The following JAZF1 variants were observed in gnomAD, a reference collection of about 807,000 sequenced individuals.
JAZF1 encodes the protein juxtaposed with another zinc finger protein 1.
JAZF1 carries 8 observed loss-of-function variants against 26.4 expected under a neutral mutation model. That is an observed-to-expected ratio of 0.30 (90% CI 0.18 to 0.55). The LOEUF is 0.55. JAZF1 is among the 20% of genes least tolerant of loss of function. The pLI, the probability that JAZF1 is intolerant of heterozygous loss-of-function variation, is 0.94. For synonymous variants in JAZF1, 126 were observed against 122.3 expected, an observed-to-expected ratio of 1.03 and a Z score of -0.20; for missense variants, 199 against 322.0, an observed-to-expected ratio of 0.62 and a Z score of 2.92.
intron 2 of JAZF1, among the ~76,000 whole-genome samples, chr7:27,922,564 A>G (rs971217582): frequency 1.3e-5 from 2 of 152,194 alleles, no homozygotes; most frequent in South Asian, 2.1e-4. Flanking sequence ...AAATATTCTT[A>G]AAGTCAGCAA....
chr7:28,079,981 C>T (rs138015133), intron 1 of JAZF1, among the ~76,000 whole-genome samples: 2 of 151,902 alleles, frequency 1.3e-5, no homozygotes, highest in African/African-American at 2.4e-5. Flanking sequence ...GTTATATTTA[C>T]ACTATACTGT....
chr7:28,122,393 T>TTTTCCAGAACCCAGC (rs1782619381), intron 1 of JAZF1, among the ~76,000 whole-genome samples: 1 of 152,136 alleles, frequency 6.6e-6, no homozygotes, highest in African/African-American at 2.4e-5. Flanking sequence ...CTGAACCTTG[T>TTTTCCAGAACCCAGC]TTTCCAGAAC....
intron 2 of JAZF1, among the ~76,000 whole-genome samples, chr7:27,976,492 G>T (rs1785475173): frequency 6.6e-6 from 1 of 152,106 alleles, no homozygotes; most frequent in South Asian, 2.1e-4. Context: ...TATAGGCTAA[G>T]AAAACGGTAG....
chr7:28,179,866 C>G (rs947475825), intron 1 of JAZF1, among the ~76,000 whole-genome samples: 2 of 146,798 alleles, frequency 1.4e-5, no homozygotes, highest in Non-Finnish European at 3.0e-5. Context: ...GTGGCGGCGG[C>G]GGCGGCGGGA....
At chr7:28,026,659 C>T (rs1783099779) in intron 1 of JAZF1, among the ~76,000 whole-genome samples, 1 of 152,190 alleles carries the variant, frequency 6.6e-6, no homozygotes, top group African/African-American at 2.4e-5. Context: ...AGGTACCATG[C>T]AAAGGCTATA....
chr7:27,974,132 A>G (rs1447640592), intron 2 of JAZF1, among the ~76,000 whole-genome samples: 1 of 152,152 alleles, frequency 6.6e-6, no homozygotes, highest in East Asian at 1.9e-4. Context: ...AGGATATAAA[A>G]TAACGGGCCT....
rs557221657 is a variant in JAZF1 at position 28,043,426 on chromosome 7, C to T, written c.116-51445G>A. Among the ~76,000 whole-genome samples the T allele has an allele frequency of 7.4e-4, 113 of 152,284 alleles. No individual in the cohort carries two copies. The Middle Eastern group carries it at 0.014, about 18-fold the overall frequency. On this transcript the variant is annotated intron_variant, in intron 1 of 4. Coordinates refer to ENST00000283928, the MANE Select transcript of JAZF1 (RefSeq NM_175061.4). ...AGCTCGTCATGTTCCACCCACCTTA[C>T]GGCCCCAACATTTTCTTGGGGGCTA...
chr7:27,879,619 ACCATTT>A (rs1336296635), intron 3 of JAZF1, among the ~76,000 whole-genome samples: 1 of 152,170 alleles, frequency 6.6e-6, no homozygotes, highest in Non-Finnish European at 1.5e-5. Flanking sequence ...TTAGAAAGTA[ACCATTT>A]AAAAGGGTGG....
At chr7:28,097,460 C>T (rs1387001105) in intron 1 of JAZF1, among the ~76,000 whole-genome samples, 3 of 152,216 alleles carry the variant, frequency 2.0e-5, no homozygotes, top group Non-Finnish European at 4.4e-5. Flanking sequence ...TTTTACTAAG[C>T]CCTGTATAAA....
chr7:28,110,953 C>T (rs1460193740), intron 1 of JAZF1, among the ~76,000 whole-genome samples: 1 of 151,908 alleles, frequency 6.6e-6, no homozygotes, highest in African/African-American at 2.4e-5. Context: ...ACTGGTAATA[C>T]ATTTAAAATT....
chr7:28,010,230 G>T (rs1782776284), intron 1 of JAZF1, among the ~76,000 whole-genome samples: 1 of 152,148 alleles, frequency 6.6e-6, no homozygotes, highest in African/African-American at 2.4e-5. Context: ...GAAAGGAGAG[G>T]GTGGTCCAGT....
intron 4 of JAZF1, among the ~76,000 whole-genome samples, chr7:27,835,102 G>C (rs1483849997): frequency 6.6e-6 from 1 of 152,092 alleles, no homozygotes; most frequent in East Asian, 1.9e-4. Context: ...TGTTTTCATG[G>C]GGAACTTGAT....
chr7:28,030,144 C>T (rs568365470), intron 1 of JAZF1, among the ~76,000 whole-genome samples: 17 of 152,194 alleles, frequency 1.1e-4, no homozygotes, highest in South Asian at 6.2e-4. Context: ...TAGGGGCTGG[C>T]GCAGGATGGA....
At chr7:28,154,686 CAATT>C (rs560664974) in intron 1 of JAZF1, among the ~76,000 whole-genome samples, 3 of 150,002 alleles carry the variant, frequency 2.0e-5, no homozygotes, top group Non-Finnish European at 4.4e-5. Context: ...CTGCTGCTGA[CAATT>C]AATACTAAAT....
At chr7:27,870,870 C>T (rs1336107556) in intron 3 of JAZF1, among the ~76,000 whole-genome samples, 1 of 152,166 alleles carries the variant, frequency 6.6e-6, no homozygotes, top group East Asian at 1.9e-4. Flanking sequence ...TGATTGTGTC[C>T]ACCCAAACAA....
At chr7:28,041,081 T>C (rs985940812) in intron 1 of JAZF1, among the ~76,000 whole-genome samples, 1 of 152,120 alleles carries the variant, frequency 6.6e-6, no homozygotes, top group Admixed American at 6.5e-5. Flanking sequence ...CCTAGATATA[T>C]GTGGCAAAAT....
intron 2 of JAZF1, among the ~76,000 whole-genome samples, chr7:27,938,733 ATGATTATGG>A (rs1784796414): frequency 6.6e-6 from 1 of 151,664 alleles, no homozygotes; most frequent in Admixed American, 6.6e-5. Context: ...GTGCAGTGGC[ATGATTATGG>A]CTCACTGCAA....
Position 28,001,151 on chromosome 7 carries a change from C to T in JAZF1, c.116-9170G>A, listed in dbSNP as rs182420635. Among the ~76,000 whole-genome samples the T allele has an allele frequency of 1.3e-4, 19 of 151,784 alleles. No individual in the cohort carries two copies. In the East Asian group the frequency reaches 2.2e-3, roughly 17 times the overall value. On this transcript the variant is annotated intron_variant, in intron 1 of 4. Transcript: ENST00000283928. ...GGCAAATCACTTGAAGTCAGGAGTT[C>T]GAGACCAGCCTGGGCAACCTGACAA...
intron 3 of JAZF1, among the ~76,000 whole-genome samples, chr7:27,876,245 T>G (rs1012009029): frequency 6.6e-5 from 10 of 152,352 alleles, no homozygotes; most frequent in Admixed American, 5.9e-4. Flanking sequence ...CTCTTCAACC[T>G]GCTTCCAGAA....
Sources: allele counts gnomAD v4.1 joint callset (sites outside exome capture counted in the v4.1 genomes callset), GRCh38; gene constraint gnomAD v4.1.1; transcripts MANE v1.5; gene names NCBI Gene and HGNC (gene_info 2026-07-23, HGNC 2026-07-21).